The following SLC27A6 variants were observed in gnomAD, a reference collection of about 807,000 sequenced individuals.
SLC27A6 encodes long-chain fatty acid transport protein 6.
A neutral mutation model predicts 63.9 loss-of-function variants in SLC27A6; 74 were observed. The ratio of observed to expected loss-of-function variants is 1.16; its 90% CI spans 0.96 to 1.40. The LOEUF is 1.40. Ranked by LOEUF, SLC27A6 falls within the 40% of genes most tolerant of loss-of-function variation. The probability of loss-of-function intolerance (pLI) is 0.00; values close to 1 mark genes in which losing one functional copy is unlikely to be tolerated. For missense variants in SLC27A6, 794 were observed against 732.9 expected, an observed-to-expected ratio of 1.08 and a Z score of -0.96; for synonymous variants, 287 against 260.8, an observed-to-expected ratio of 1.10 and a Z score of -0.97.
At chr5:128,977,851 AG>A (rs1750441436) in intron 1 of SLC27A6, among the ~76,000 whole-genome samples, 2 of 152,246 alleles carry the variant, frequency 1.3e-5, no homozygotes, top group African/African-American at 4.8e-5. Context: ...TAGAGATAAT[AG>A]CATACAAATT....
At chr5:129,014,673 A>T (rs545662512) in intron 4 of SLC27A6, among the ~76,000 whole-genome samples, 128 of 152,308 alleles carry the variant, frequency 8.4e-4, no homozygotes, top group Non-Finnish European at 1.5e-3. Flanking sequence ...ATGTGTAGGA[A>T]GGGCAAACTC....
intron 4 of SLC27A6, among the ~76,000 whole-genome samples, chr5:128,996,626 T>A (rs1751170436): frequency 6.6e-6 from 1 of 152,130 alleles, no homozygotes; most frequent in Non-Finnish European, 1.5e-5. Context: ...GCTGACAAGA[T>A]GAAAATTTTG....
rs992806296 is a variant in SLC27A6, at chr5:129,008,098, GTATGA to G, written c.970-7777_970-7773del. Among the ~76,000 whole-genome samples, 162 of 151,874 alleles carry G rather than the reference GTATGA, an allele frequency of 1.1e-3. 1 individual carries two copies. The highest frequency in any genetic ancestry group is 3.6e-3 in the African/African-American group (151 of 41,430). Reference sequence around the variant, plus strand: ...TATTTTTCTGTATTCTCTAAATGTTGTATGATATGATATGTGTATATTTCAACATC... The same window carrying G: ...TATTTTTCTGTATTCTCTAAATGTTGTATGATATGTGTATATTTCAACATC... On this transcript the variant is annotated intron_variant, in intron 4 of 9. Coordinates refer to ENST00000262462, the MANE Select transcript of SLC27A6 (RefSeq NM_001017372.3).
At chr5:128,985,010 C>A in intron 1 of SLC27A6, 123 bp from the exon 2 acceptor site, 1 of 678,066 alleles carries the variant, frequency 1.5e-6, no homozygotes, top group Non-Finnish European at 2.5e-6. Context: ...ACTTATCCAA[C>A]ATAAGAAGGA....
At chr5:128,984,962 G>C (rs1276283671) in intron 1 of SLC27A6, among the ~76,000 whole-genome samples, 171 bp from the exon 2 acceptor site, 1 of 152,162 alleles carries the variant, frequency 6.6e-6, no homozygotes, top group Non-Finnish European at 1.5e-5. Flanking sequence ...CTTTCAGTTG[G>C]TCCTGTTGAA....
In SLC27A6 at chr5:128,966,278, T is replaced by C. The variant is rs2577541; in HGVS notation, c.141T>C (p.Tyr47=). Residue 47 remains tyrosine, a synonymous_variant, in exon 1 of 10, where the codon TAT becomes TAC. Coordinates refer to ENST00000262462, the MANE Select transcript of SLC27A6 (RefSeq NM_001017372.3). The part of the protein sequence containing the change: ...VVLIIIRLKK[Y]EKRGELVTVL... Reference sequence around the variant, plus strand: ...TCATTATAATTCGGCTGAAGAAGTATGAAAAGAGAGGGGAGCTGGTGACTG... The same window carrying C: ...TCATTATAATTCGGCTGAAGAAGTACGAAAAGAGAGGGGAGCTGGTGACTG... 0.34 allele frequency: 551,660 copies of C among 1,613,436 alleles called. 99,575 individuals carry two copies. The highest frequency in any genetic ancestry group is 0.43 in the Middle Eastern group (2,625 of 6,058).
At chr5:128,970,876 C>T (rs939572161) in intron 1 of SLC27A6, among the ~76,000 whole-genome samples, 3 of 151,894 alleles carry the variant, frequency 2.0e-5, no homozygotes, top group Non-Finnish European at 2.9e-5. Flanking sequence ...ATCTTTCCTG[C>T]TTTCTCTTGT....
chr5:128,990,890 C>G (rs1750957680), intron 4 of SLC27A6, among the ~76,000 whole-genome samples: 1 of 152,194 alleles, frequency 6.6e-6, no homozygotes, highest in Admixed American at 6.5e-5. Context: ...AGAAGCAGAG[C>G]AGACACCCTG....
intron 1 of SLC27A6, among the ~76,000 whole-genome samples, chr5:128,974,299 A>G (rs1750299949): frequency 1.3e-5 from 2 of 152,294 alleles, no homozygotes; most frequent in Admixed American, 6.5e-5. Flanking sequence ...AGTTTTTTGT[A>G]TTTAAAAAAG....
chr5:128,995,392 G>T (rs1751123237), intron 4 of SLC27A6, among the ~76,000 whole-genome samples: 1 of 152,166 alleles, frequency 6.6e-6, no homozygotes, highest in Non-Finnish European at 1.5e-5. Flanking sequence ...AAATCAGACT[G>T]CTTCTCTCTT....
At chr5:128,970,780 T>G (rs985446853) in intron 1 of SLC27A6, among the ~76,000 whole-genome samples, 2 of 147,900 alleles carry the variant, frequency 1.4e-5, no homozygotes, top group Non-Finnish European at 3.0e-5. Context: ...CTGATCTTAG[T>G]TATTTCTTGC....
At chr5:128,994,024 C>T (rs553373796) in intron 4 of SLC27A6, among the ~76,000 whole-genome samples, 35 of 151,926 alleles carry the variant, frequency 2.3e-4, no homozygotes, top group South Asian at 1.0e-3. Context: ...AAAAATTAGC[C>T]GGGCGTGGTG....
chr5:128,976,534 A>AAAAC (rs1356212491), intron 1 of SLC27A6, among the ~76,000 whole-genome samples: 1 of 152,192 alleles, frequency 6.6e-6, no homozygotes, highest in Non-Finnish European at 1.5e-5. Flanking sequence ...AAAACAAAAC[A>AAAAC]AAACAAAAAA....
At chr5:129,003,174 T>C (rs1434726048) in intron 4 of SLC27A6, among the ~76,000 whole-genome samples, 1 of 152,262 alleles carries the variant, frequency 6.6e-6, no homozygotes, top group African/African-American at 2.4e-5. Flanking sequence ...TGCATACATC[T>C]CTGTCTCTGC....
chr5:128,971,598 G>A (rs1270267767), intron 1 of SLC27A6, among the ~76,000 whole-genome samples: 1 of 143,330 alleles, frequency 7.0e-6, no homozygotes, highest in African/African-American at 2.6e-5. Context: ...TTGTTTTTTT[G>A]TTTTCCATTT....
chr5:128,984,841 T>A (rs1750729930), intron 1 of SLC27A6, among the ~76,000 whole-genome samples: 1 of 152,198 alleles, frequency 6.6e-6, no homozygotes, highest in Non-Finnish European at 1.5e-5. Flanking sequence ...TTTTAAATAG[T>A]TTTATTTAAA....
intron 4 of SLC27A6, among the ~76,000 whole-genome samples, chr5:128,999,853 G>T (rs1266619755): frequency 6.6e-6 from 1 of 152,032 alleles, no homozygotes; most frequent in Non-Finnish European, 1.5e-5. Flanking sequence ...CCAAAGTTTG[G>T]GTAGACTGAT....
chr5:129,010,198 C>G (rs200798627), intron 4 of SLC27A6, among the ~76,000 whole-genome samples: 2 of 152,102 alleles, frequency 1.3e-5, no homozygotes, highest in East Asian at 3.9e-4. Flanking sequence ...TTCTTTGACT[C>G]AGTCAGCACT....
chr5:128,979,187 T>C (rs1750497459), intron 1 of SLC27A6, among the ~76,000 whole-genome samples: 1 of 99,654 alleles, frequency 1.0e-5, no homozygotes. Flanking sequence ...CTCAGGTCTC[T>C]TCATTTGAGA....
Sources: allele counts gnomAD v4.1 joint callset (sites outside exome capture counted in the v4.1 genomes callset), GRCh38; gene constraint gnomAD v4.1.1; transcripts MANE v1.5; gene names NCBI Gene and HGNC (gene_info 2026-07-23, HGNC 2026-07-21).